NDUFB6: variants seen among roughly 807,000 people sequenced by gnomAD.
NDUFB6 encodes the protein NADH dehydrogenase [ubiquinone] 1 beta subcomplex subunit 6.
In NDUFB6, 23 loss-of-function variants were observed where a neutral mutation model predicts 17.5. The ratio of observed to expected loss-of-function variants is 1.31; its 90% confidence interval spans 0.94 to 1.86. NDUFB6 has a LOEUF of 1.86. Among genes scored for constraint, NDUFB6 ranks in the 40% most tolerant of loss-of-function variants. The pLI is 0.00. For missense variants in NDUFB6, 167 were observed against 153.8 expected (o/e 1.09, Z -0.46); for synonymous variants, 60 against 53.5 (o/e 1.12, Z -0.53).
At position 32,566,362 on chromosome 9, in the gene NDUFB6, T is replaced by C. The variant is rs552436451; in HGVS notation, c.273+4598A>G. ...GCTTCCACCAGTGTAGGAATGATGG[T>C]GCGTTTTTGTTTCCACTATGTGATC... On this transcript the variant is annotated intron_variant, in intron 2 of 3. Transcript: ENST00000379847. The C allele has an allele frequency of 5.9e-6, 7 of 1,184,778 alleles. No homozygotes were observed. The South Asian group carries it at 7.3e-5, about 12-fold the overall frequency. The allele number at this position is 1,184,778 out of a possible 1,614,324, so 73.4% of individuals were successfully genotyped here.
intron 2 of NDUFB6, chr9:32,568,675 C>T: frequency 6.5e-6 from 1 of 153,168 alleles, no homozygotes; most frequent in South Asian, 2.3e-4. Context: ...TGTACATATA[C>T]TTATATATGT....
chr9:32,558,243 C>CT (rs1821527021), intron 3 of NDUFB6, among the ~76,000 whole-genome samples: 1 of 152,014 alleles, frequency 6.6e-6, no homozygotes, highest in African/African-American at 2.4e-5. Flanking sequence ...TCTCGAGTAG[C>CT]TGGGACTACA....
At chr9:32,555,443 T>C (rs1409341312) in intron 3 of NDUFB6, among the ~76,000 whole-genome samples, 1 of 152,156 alleles carries the variant, frequency 6.6e-6, no homozygotes, top group Non-Finnish European at 1.5e-5. Context: ...GGCCTCCACA[T>C]AGCTGCCACA....
At chr9:32,560,166 T>G (rs1185715696) in intron 2 of NDUFB6, among the ~76,000 whole-genome samples, 3 of 152,220 alleles carry the variant, frequency 2.0e-5, no homozygotes, top group Non-Finnish European at 2.9e-5. Flanking sequence ...GTTGCAATCT[T>G]ATTGAAGATG....
intron 2 of NDUFB6, chr9:32,568,744 A>AT (rs1419872931): frequency 9.1e-5 from 11 of 120,498 alleles, no homozygotes; most frequent in African/African-American, 3.6e-4. Context: ...ATATATATAT[A>AT]TATATTTTTT....
At chr9:32,558,139 T>C (rs1821523087) in intron 3 of NDUFB6, among the ~76,000 whole-genome samples, 2 of 129,938 alleles carry the variant, frequency 1.5e-5, no homozygotes, top group Admixed American at 7.7e-5. Context: ...TGAGACGGAG[T>C]CTCGCTCTGT....
At chr9:32,569,689 CTTTT>C (rs112526069) in intron 2 of NDUFB6, among the ~76,000 whole-genome samples, 1 of 74,628 alleles carries the variant, frequency 1.3e-5, no homozygotes, top group African/African-American at 4.2e-5. Flanking sequence ...ATTTTTTTTT[CTTTT>C]TTTTTGGAAA....
intron 3 of NDUFB6, among the ~76,000 whole-genome samples, chr9:32,558,236 C>G (rs577502512): frequency 6.6e-6 from 1 of 151,910 alleles, no homozygotes; most frequent in Non-Finnish European, 1.5e-5. Flanking sequence ...CTCAGCCTCT[C>G]GAGTAGCTGG....
At chr9:32,572,391 C>T (rs1235696190) in intron 1 of NDUFB6, among the ~76,000 whole-genome samples, 1 of 152,116 alleles carries the variant, frequency 6.6e-6, no homozygotes, top group Non-Finnish European at 1.5e-5. Context: ...ACTCACAAGG[C>T]ATACCAACAG....
chr9:32,563,486 T>C (rs1300475850), intron 2 of NDUFB6, among the ~76,000 whole-genome samples: 1 of 140,298 alleles, frequency 7.1e-6, no homozygotes, highest in African/African-American at 2.7e-5. Context: ...GGTGGGACTA[T>C]TGGGCTTTTT....
chr9:32,571,022 C>T lies in NDUFB6; in HGVS notation c.211G>A (p.Val71Ile). Residue 71 changes from valine to isoleucine, a missense_variant, in exon 2 of 4, where the codon GTT (valine) becomes ATT (isoleucine). Coordinates refer to ENST00000379847, the MANE Select transcript of NDUFB6 (RefSeq NM_002493.5). ...VHGVYKKSIFVFTHVLVPVWI... is the reference protein window; with the variant it reads ...VHGVYKKSIFIFTHVLVPVWI... ...ACAGGTACAAGTACATGAGTGAAAA[C>T]AAAGATACTCTTTTTGTATACCCCA... is the stretch of plus-strand genomic sequence containing the variant. 1 of 1,603,840 alleles carries T rather than the reference C, an allele frequency of 6.2e-7. No individual in the cohort carries two copies. The highest frequency in any genetic ancestry group is 1.7e-5 in the Admixed American group (1 of 58,702).
chr9:32,556,846 CTTTTTTTTT>C (rs10703297), intron 3 of NDUFB6, among the ~76,000 whole-genome samples: 3 of 82,340 alleles, frequency 3.6e-5, no homozygotes, highest in African/African-American at 4.7e-5. Flanking sequence ...AAATCCCCTA[CTTTTTTTTT>C]TTTTTTTTTT....
chr9:32,565,618 C>T (rs1035017404), intron 2 of NDUFB6: 2 of 152,604 alleles, frequency 1.3e-5, no homozygotes, highest in African/African-American at 4.8e-5. Flanking sequence ...TGACGACTCA[C>T]AAGACATCCA....
intron 1 of NDUFB6, among the ~76,000 whole-genome samples, chr9:32,571,748 ATTT>A (rs757733623): frequency 1.2e-4 from 18 of 151,052 alleles, no homozygotes; most frequent in Non-Finnish European, 2.1e-4. Flanking sequence ...ACACATTATT[ATTT>A]ATTTACTTCC....
intron 2 of NDUFB6, chr9:32,566,428 C>A: frequency 1.2e-6 from 1 of 847,208 alleles, no homozygotes; most frequent in African/African-American, 1.7e-5. Flanking sequence ...CTCCCTGTTA[C>A]TGTAGGGGTT....
At chr9:32,566,320 C>T in intron 2 of NDUFB6, 1 of 1,182,014 alleles carries the variant, frequency 8.5e-7, no homozygotes. Flanking sequence ...ACTTCTCTTC[C>T]ATCTTGTTCT....
At chr9:32,565,855 C>G (rs1342166251) in intron 2 of NDUFB6, among the ~76,000 whole-genome samples, 1 of 152,060 alleles carries the variant, frequency 6.6e-6, no homozygotes, top group African/African-American at 2.4e-5. Flanking sequence ...ACCTGTAATC[C>G]TAGCTACTTG....
In NDUFB6 at chr9:32,566,826, G is replaced by C. The variant is rs929460010; in HGVS notation, c.273+4134C>G. 4.9e-5 allele frequency: 44 copies of C among 892,310 alleles called. No individual in the cohort carries two copies. The East Asian group carries it at 1.1e-3, about 22-fold the overall frequency. 55.3% of individuals were successfully genotyped at this position (892,310 alleles called of 1,614,324 possible). On this transcript the variant is annotated intron_variant, in intron 2 of 3. Coordinates refer to ENST00000379847, the MANE Select transcript of NDUFB6 (RefSeq NM_002493.5). The stretch of plus-strand genomic sequence containing the variant: ...GGCCAGCAGTCTCTGCCTCTGTGGG[G>C]GCCTGCTCATCACACAGTAGCTGCC...
At chr9:32,565,217 C>T (rs1230788244) in intron 2 of NDUFB6, among the ~76,000 whole-genome samples, 2 of 151,608 alleles carry the variant, frequency 1.3e-5, no homozygotes, top group Non-Finnish European at 2.9e-5. Flanking sequence ...CACTTGAACC[C>T]AGGAGGCAGA....
Sources: allele counts gnomAD v4.1 joint callset (sites outside exome capture counted in the v4.1 genomes callset), GRCh38; gene constraint gnomAD v4.1.1; transcripts MANE v1.5; gene names NCBI Gene and HGNC (gene_info 2026-07-23, HGNC 2026-07-21).